The following TCF12 variants were observed in gnomAD, a reference collection of about 807,000 sequenced individuals.
The protein encoded by TCF12 is DNA-binding protein HTF4.
Under a neutral mutation model 86.0 loss-of-function variants are expected in TCF12, and 45 were observed. The ratio of observed to expected loss-of-function variants is 0.52; its 90% CI spans 0.41 to 0.67. The LOEUF (loss-of-function observed/expected upper bound fraction) is 0.67, where lower values mean the gene tolerates loss of function less well. Ranked by LOEUF, TCF12 falls within the 30% of genes least tolerant of loss-of-function variation. The pLI is 0.00. For synonymous variants in TCF12, 330 were observed against 299.6 expected (o/e 1.10, Z -1.05); for missense variants, 881 against 859.9 (o/e 1.02, Z -0.31).
At chr15:56,971,756 A>G (rs1309008861) in intron 3 of TCF12, among the ~76,000 whole-genome samples, 1 of 152,204 alleles carries the variant, frequency 6.6e-6, no homozygotes, top group Non-Finnish European at 1.5e-5. Flanking sequence ...CTGGACTCTG[A>G]GAAGTCTTCC....
At position 57,261,219 on chromosome 15, in the gene TCF12, T is replaced by G. The variant is rs114612777; in HGVS notation, c.1468-875T>G. 4.2e-3 allele frequency among the ~76,000 whole-genome samples: 633 copies of G among 152,338 alleles called. 4 individuals are homozygous for G. Among genetic ancestry groups the G allele is most frequent in the African/African-American group, 0.015 (613 of 41,584 alleles). On this transcript the variant is annotated intron_variant, in intron 16 of 20. Coordinates refer to ENST00000333725, the MANE Select transcript of TCF12 (RefSeq NM_207037.2). ...TTTTAAAATCCACTAAATGGCTATG[T>G]TTCTTAAAAATAAAGATGAGAATAA... is the stretch of plus-strand genomic sequence containing the variant.
intron 5 of TCF12, among the ~76,000 whole-genome samples, chr15:57,103,795 A>G (rs2049925215): frequency 6.6e-6 from 1 of 152,200 alleles, no homozygotes; most frequent in Non-Finnish European, 1.5e-5. Flanking sequence ...ACTTGAGGTC[A>G]GGAGTTCGAG....
At chr15:57,133,728 G>T (rs2052319316) in intron 5 of TCF12, among the ~76,000 whole-genome samples, 1 of 152,080 alleles carries the variant, frequency 6.6e-6, no homozygotes, top group African/African-American at 2.4e-5. Flanking sequence ...AACAAATTGG[G>T]ATATGAAGGA....
At chr15:57,022,677 CCCA>C (rs1449249186) in intron 3 of TCF12, among the ~76,000 whole-genome samples, 2 of 152,300 alleles carry the variant, frequency 1.3e-5, no homozygotes, top group Admixed American at 6.5e-5. Context: ...AATTTACACT[CCCA>C]CCAACAGTGT....
chr15:57,105,863 T>A (rs1202964239), intron 5 of TCF12, among the ~76,000 whole-genome samples: 1 of 152,230 alleles, frequency 6.6e-6, no homozygotes, highest in Non-Finnish European at 1.5e-5. Flanking sequence ...CCTCATAAAC[T>A]GTAAAGTGTT....
Position 56,927,247 on chromosome 15 carries a change from A to G in TCF12, c.148+6149A>G, listed in dbSNP as rs1451880036. Among the ~76,000 whole-genome samples, 4 of 152,182 alleles carry G rather than the reference A, an allele frequency of 2.6e-5. No individual in the cohort carries two copies. The East Asian group carries it at 7.7e-4, about 29-fold the overall frequency. On this transcript the variant is annotated intron_variant, in intron 3 of 20. Transcript: ENST00000333725. ...ATGTATGAGGGAAGCATGCTCGGTA[A>G]AGATGTTGGTTAAAAAGAAGACCGT...
chr15:57,225,263 T>C (rs1352953822), intron 8 of TCF12, among the ~76,000 whole-genome samples: 1 of 122,894 alleles, frequency 8.1e-6, no homozygotes, highest in Admixed American at 1.1e-4. Flanking sequence ...AGACGGAGTC[T>C]TGCACTGTCG....
intron 8 of TCF12, among the ~76,000 whole-genome samples, chr15:57,225,401 G>A (rs772984563): frequency 1.7e-4 from 26 of 151,294 alleles, no homozygotes; most frequent in Non-Finnish European, 2.9e-4. Context: ...CACCATGCCC[G>A]GCTAATTTTT....
At chr15:57,000,825 A>G (rs900199617) in intron 3 of TCF12, among the ~76,000 whole-genome samples, 11 of 151,972 alleles carry the variant, frequency 7.2e-5, no homozygotes, top group Admixed American at 5.9e-4. Context: ...CAAATTTACC[A>G]TTACCAGGGC....
chr15:56,986,116 C>G (rs1423775748), intron 3 of TCF12, among the ~76,000 whole-genome samples: 1 of 152,026 alleles, frequency 6.6e-6, no homozygotes, highest in Admixed American at 6.6e-5. Context: ...TTCTGAATGG[C>G]TTAAATCCTT....
chr15:56,975,797 A>G (rs2062566263), intron 3 of TCF12, among the ~76,000 whole-genome samples: 1 of 152,020 alleles, frequency 6.6e-6, no homozygotes, highest in South Asian at 2.1e-4. Context: ...TGAGCTTCCT[A>G]CGTATTTATC....
In TCF12 at chr15:56,962,988, A is replaced by T. The variant is rs139915324; in HGVS notation, c.148+41890A>T. 1.2e-3 allele frequency among the ~76,000 whole-genome samples: 188 copies of T among 150,634 alleles called. 1 individual carries two copies. Among genetic ancestry groups the T allele is most frequent in the African/African-American group, 4.3e-3 (176 of 41,126 alleles). ...TAAAAAATCTATGAGTTTTCCTGGA[A>T]GTGAGTGTTTCTTTGAAGCAGATTT... On this transcript the variant is annotated intron_variant, in intron 3 of 20. Transcript: ENST00000333725.
intron 4 of TCF12, among the ~76,000 whole-genome samples, chr15:57,075,818 C>T (rs1292895915): frequency 2.0e-3 from 112 of 55,132 alleles, no homozygotes; most frequent in East Asian, 8.3e-3. Context: ...CTCTCTCTCT[C>T]TCTCTCTCTC....
intron 16 of TCF12, among the ~76,000 whole-genome samples, chr15:57,260,124 G>A (rs1023745361): frequency 1.3e-5 from 2 of 152,102 alleles, no homozygotes; most frequent in Non-Finnish European, 2.9e-5. Context: ...GTTTAAGTTC[G>A]TGTGAGAAAA....
chr15:56,918,193 C>T (rs1299450167), upstream of TCF12: 8 of 456,106 alleles, frequency 1.8e-5, no homozygotes, highest in Admixed American at 7.0e-5. Flanking sequence ...AGGGTGGCGT[C>T]CAGCGTGACC....
chr15:57,266,936 G>A lies in TCF12; in HGVS notation c.1745+3662G>A, dbSNP rs145111844. On this transcript the variant is annotated intron_variant, in intron 18 of 20. Coordinates refer to ENST00000333725, the MANE Select transcript of TCF12 (RefSeq NM_207037.2). The stretch of plus-strand genomic sequence containing the variant: ...CCCAGCTACTTGGGAGGGTAAGGCA[G>A]GAAGATTGCTTGAGTTCAGAAGTTT... 5.3e-3 allele frequency among the ~76,000 whole-genome samples: 803 copies of A among 152,288 alleles called. 10 individuals are homozygous for A. The highest frequency in any genetic ancestry group is 0.031 in the Middle Eastern group (9 of 294).
intron 5 of TCF12, among the ~76,000 whole-genome samples, chr15:57,106,729 A>G (rs2050157078): frequency 6.6e-6 from 1 of 152,240 alleles, no homozygotes; most frequent in Non-Finnish European, 1.5e-5. Context: ...AACAAATAGA[A>G]AACTTGCACT....
chr15:57,081,135 A>ATTTTG (rs1406115545), intron 4 of TCF12, among the ~76,000 whole-genome samples: 4 of 152,058 alleles, frequency 2.6e-5, no homozygotes, highest in Non-Finnish European at 2.9e-5. Flanking sequence ...GGGTAGTTAA[A>ATTTTG]TTTTGTTTTG....
intron 3 of TCF12, among the ~76,000 whole-genome samples, chr15:56,982,712 T>C (rs370774534): frequency 1.9e-3 from 295 of 152,342 alleles, no homozygotes; most frequent in African/African-American, 6.7e-3. Context: ...ATAGATTAAA[T>C]AGAATCTTCT....
Sources: allele counts gnomAD v4.1 joint callset (sites outside exome capture counted in the v4.1 genomes callset), GRCh38; gene constraint gnomAD v4.1.1; transcripts MANE v1.5; gene names NCBI Gene and HGNC (gene_info 2026-07-23, HGNC 2026-07-21).